The following MTR variants were observed in gnomAD, a reference collection of about 807,000 sequenced individuals.
The protein encoded by MTR is methionine synthase.
A neutral mutation model predicts 154.8 loss-of-function variants in MTR; 84 were observed. That is an observed-to-expected ratio of 0.54 (90% CI 0.45 to 0.65). The LOEUF (loss-of-function observed/expected upper bound fraction) is 0.65, where lower values mean the gene tolerates loss of function less well. MTR is among the 30% of genes least tolerant of loss of function. The pLI is 0.00. For missense variants in MTR, 1,275 were observed against 1,570.2 expected (o/e 0.81, Z 3.18); for synonymous variants, 554 against 553.9 (o/e 1.00, Z 0.00).
rs1490734103 is a variant in MTR at position 236,825,390 on chromosome 1, G to C, written c.918G>C (p.Lys306Asn). 6.2e-7 allele frequency: 1 copy of C among 1,613,246 alleles called. No individual in the cohort carries two copies. Among genetic ancestry groups the C allele is most frequent in the Admixed American group, 1.7e-5 (1 of 60,020 alleles). The change falls in exon 10 of 33, where the codon AAG (lysine) becomes AAC (asparagine). Residue 306 changes from lysine (K) to asparagine (N), a missense_variant. Lys to Asn is a moderately conservative substitution (Grantham distance 94). Coordinates refer to ENST00000366577, the MANE Select transcript of MTR (RefSeq NM_000254.3). ...DYDETPSMMA[K>N]HLKDFAMDGL... The stretch of plus-strand genomic sequence containing the variant: ...ATGAAACGCCTTCTATGATGGCCAA[G>C]CACCTAAAGGTCAGGGGTCCCCCTT...
intron 17 of MTR, 93 bp from the exon 18 acceptor site, chr1:236,852,855 A>G: frequency 6.8e-7 from 1 of 1,469,544 alleles, no homozygotes. Flanking sequence ...ATGGCCTAAA[A>G]TATTTCTCTC....
At chr1:236,877,527 G>T (rs770265436) in intron 24 of MTR, among the ~76,000 whole-genome samples, 5 of 151,988 alleles carry the variant, frequency 3.3e-5, no homozygotes, top group Non-Finnish European at 7.4e-5. Flanking sequence ...TCCTGTGTCC[G>T]GCTTCTTTTG....
intron 10 of MTR, 35 bp downstream of exon 10, chr1:236,825,434 A>G: frequency 6.5e-7 from 1 of 1,537,734 alleles, no homozygotes; most frequent in Non-Finnish European, 9.0e-7. Context: ...TTTTTAAGAG[A>G]GACAGAAAGA....
chr1:236,825,243 A>T, intron 9 of MTR, 95 bp from the exon 10 acceptor site: 1 of 780,122 alleles, frequency 1.3e-6, no homozygotes, highest in Non-Finnish European at 2.0e-6. Context: ...TTTAATATAA[A>T]TATAAAATTA....
At position 236,891,126 on chromosome 1, in the gene MTR, C is replaced by T; in HGVS notation, c.3008-7C>T. 1.2e-6 allele frequency: 2 copies of T among 1,614,016 alleles called. No individual in the cohort carries two copies. The highest frequency in any genetic ancestry group is 8.5e-7 in the Non-Finnish European group (1 of 1,179,962). ...TTAAGTGAATTCTAATTCTGTTTTTCTAATAGGTGGAGAGGCCAGGAAGGT... is the reference window on the plus strand; with the variant it reads ...TTAAGTGAATTCTAATTCTGTTTTTTTAATAGGTGGAGAGGCCAGGAAGGT... On this transcript the variant is annotated splice_polypyrimidine_tract_variant and splice_region_variant and intron_variant, in intron 28 of 32. Transcript: ENST00000366577.
At chr1:236,838,046 A>G (rs1419965996) in intron 14 of MTR, among the ~76,000 whole-genome samples, 7 of 152,188 alleles carry the variant, frequency 4.6e-5, no homozygotes, top group Non-Finnish European at 1.0e-4. Flanking sequence ...CACAAGGCTA[A>G]ACCTTAATCC....
Position 236,874,706 on chromosome 1 carries a change from T to A in MTR, c.2474-20T>A, listed in dbSNP as rs377347275. 7.4e-4 allele frequency: 1,114 copies of A among 1,496,706 alleles called. No individual in the cohort carries two copies. Among genetic ancestry groups the A allele is most frequent in the Non-Finnish European group, 8.7e-4 (959 of 1,107,964 alleles). The allele number at this position is 1,496,706 out of a possible 1,614,324, so 92.7% of individuals were successfully genotyped here. On this transcript the variant is annotated intron_variant, in intron 23 of 32. Coordinates refer to ENST00000366577, the MANE Select transcript of MTR (RefSeq NM_000254.3). Reference sequence around the variant, plus strand: ...TCACTGTCCTTTTTGTCCTTTTTTTTTTAAAAAAAAAAAAAATAGATATAA... The same window carrying A: ...TCACTGTCCTTTTTGTCCTTTTTTTATTAAAAAAAAAAAAAATAGATATAA...
chr1:236,813,114 C>T (rs1008531786), intron 6 of MTR, among the ~76,000 whole-genome samples: 3 of 152,056 alleles, frequency 2.0e-5, no homozygotes, highest in Admixed American at 6.5e-5. Flanking sequence ...TGAGGTAATA[C>T]ATGCTGCTGG....
At chr1:236,885,958 G>A (rs1367868229) in intron 26 of MTR, among the ~76,000 whole-genome samples, 1 of 152,230 alleles carries the variant, frequency 6.6e-6, no homozygotes, top group East Asian at 1.9e-4. Context: ...TGGTCCTCAG[G>A]GTGGGCCATG....
Position 236,861,137 on chromosome 1 carries a change from CAT to C in MTR, c.2059_2060del (p.Ile687TyrfsTer2), listed in dbSNP as rs1664521219. The C allele has an allele frequency of 3.1e-6, 4 of 1,307,196 alleles. No homozygotes were observed. Among genetic ancestry groups the C allele is most frequent in the Non-Finnish European group, 4.2e-6 (4 of 956,668 alleles). The allele number at this position is 1,307,196 out of a possible 1,614,324, so 81.0% of individuals were successfully genotyped here. A position where few individuals can be genotyped will look rare whatever the true frequency, so the allele number is the denominator to read the frequency against. ...TTGTCTTTTTTAGGGCATTGAAAAA[CAT>C]ATTATTGAGGATACTGAGGAAGCCA... The part of the protein sequence containing the change: ...EYALVKGIEK[H>X]IIEDTEEARL... On this transcript the variant is annotated frameshift_variant, in exon 20 of 33. Coordinates refer to ENST00000366577, the MANE Select transcript of MTR (RefSeq NM_000254.3). LOFTEE classifies it high-confidence loss of function.
intron 30 of MTR, chr1:236,894,828 G>T (rs1157695813): frequency 2.0e-6 from 1 of 499,706 alleles, no homozygotes; most frequent in East Asian, 3.6e-5. Context: ...CCTTATCTCT[G>T]TTGTCTCTCT....
At chr1:236,813,275 G>A (rs191210880) in intron 6 of MTR, among the ~76,000 whole-genome samples, 1 of 152,156 alleles carries the variant, frequency 6.6e-6, no homozygotes, top group Admixed American at 6.5e-5. Flanking sequence ...AGGCATGTGT[G>A]TATGTGTGTG....
At chr1:236,882,656 G>A (rs1006567575) in intron 25 of MTR, among the ~76,000 whole-genome samples, 5 of 152,172 alleles carry the variant, frequency 3.3e-5, no homozygotes, top group African/African-American at 1.2e-4. Context: ...GCTTCCCAAA[G>A]TGCTGGGATT....
Position 236,803,503 on chromosome 1 carries a change from T to TG in MTR, c.114dup (p.Thr39AspfsTer19), listed in dbSNP as rs1660805220. The TG allele has an allele frequency of 6.2e-7, 1 of 1,614,044 alleles. No individual in the cohort carries two copies. Among genetic ancestry groups the TG allele is most frequent in the Admixed American group, 1.7e-5 (1 of 59,990 alleles). ...AGGATTATGGTGCTGGATGGAGGGA[T>TG]GGGGACCATGATCCAGCGGGAGAAG... On this transcript the variant is annotated frameshift_variant, in exon 2 of 33. Transcript: ENST00000366577. LOFTEE classifies it high-confidence loss of function.
chr1:236,819,582 G>A (rs544008492), intron 8 of MTR: 2 of 414,106 alleles, frequency 4.8e-6, no homozygotes, highest in Non-Finnish European at 9.1e-6. Flanking sequence ...CTCACAGAGG[G>A]GTCCATCCGG....
chr1:236,897,310 G>GTGCGCGCGCACACACACACACA (rs1666694687), intron 32 of MTR, among the ~76,000 whole-genome samples, 192 bp downstream of exon 32: 1 of 128,614 alleles, frequency 7.8e-6, no homozygotes, highest in Non-Finnish European at 1.7e-5. Context: ...CCACACACAC[G>GTGCGCGCGCACACACACACACA]CACACACACA....
chr1:236,883,998 A>G (rs1209970348), intron 25 of MTR, among the ~76,000 whole-genome samples: 3 of 152,268 alleles, frequency 2.0e-5, no homozygotes, highest in East Asian at 1.9e-4. Context: ...TCTTCTTTCT[A>G]TGTAATTTTA....
chr1:236,886,519 A>G lies in MTR; in HGVS notation c.2851+152A>G, dbSNP rs946639792. The G allele has an allele frequency of 4.1e-6, 3 of 739,838 alleles. No individual in the cohort carries two copies. In the Admixed American group the frequency reaches 6.2e-5, roughly 15 times the overall value. 45.8% of individuals were successfully genotyped at this position (739,838 alleles called of 1,614,324 possible). On this transcript the variant is annotated intron_variant, in intron 27 of 32. Transcript: ENST00000366577. Reference sequence around the variant, plus strand: ...GATGAGTGACTGATGACTGGAAAGAAAGGGAATAGGTACCATTTATGGAGC... The same window carrying G: ...GATGAGTGACTGATGACTGGAAAGAGAGGGAATAGGTACCATTTATGGAGC...
chr1:236,858,210 T>C (rs1002334761), intron 18 of MTR, among the ~76,000 whole-genome samples: 4 of 152,186 alleles, frequency 2.6e-5, no homozygotes, highest in African/African-American at 9.7e-5. Flanking sequence ...TCCACGTGGC[T>C]GGGGAGGTCT....
Sources: allele counts gnomAD v4.1 joint callset (sites outside exome capture counted in the v4.1 genomes callset), GRCh38; gene constraint gnomAD v4.1.1; transcripts MANE v1.5; gene names NCBI Gene and HGNC (gene_info 2026-07-23, HGNC 2026-07-21).